The following PRELID3A variants were observed in gnomAD, a reference collection of about 807,000 sequenced individuals.
The protein encoded by PRELID3A is PRELI domain containing 3A, also known as PRELI domain containing protein 3A.
In PRELID3A, 27 loss-of-function variants were observed where a neutral mutation model predicts 23.0. That is an observed-to-expected ratio of 1.17 (90% CI 0.87 to 1.62). The LOEUF (loss-of-function observed/expected upper bound fraction) is 1.62, where lower values mean the gene tolerates loss of function less well. Ranked by LOEUF, PRELID3A falls within the 40% of genes most tolerant of loss-of-function variation. The pLI is 0.00. For missense variants in PRELID3A, 231 were observed against 231.4 expected (o/e 1.00, Z 0.01); for synonymous variants, 87 against 86.4 (o/e 1.01, Z -0.04).
chr18:12,427,321 A>G lies in PRELID3A; in HGVS notation c.463A>G (p.Lys155Glu). ...CAATACGATATCATCCAATGCAAAG[A>G]AGGTATGTATCTCAATCCTAGGAGT... ...MANTISSNAK[K>E]GWAAIEWIIE... Residue 155 changes from lysine (K) to glutamate (E), a missense_variant and splice_region_variant, in exon 5 of 7, where the codon AAG (lysine) becomes GAG (glutamate). Transcript: ENST00000440960. 6.2e-7 allele frequency: 1 copy of G among 1,601,300 alleles called. No individual in the cohort carries two copies. Among genetic ancestry groups the G allele is most frequent in the South Asian group, 1.1e-5 (1 of 90,650 alleles).
intron 3 of PRELID3A, among the ~76,000 whole-genome samples, chr18:12,426,208 C>T (rs1043703291): frequency 6.6e-6 from 1 of 151,324 alleles, no homozygotes; most frequent in Non-Finnish European, 1.5e-5. Flanking sequence ...CCCTGCAGTC[C>T]AGCCTGGTAA....
At chr18:12,416,692 G>T (rs111634945) in intron 1 of PRELID3A, among the ~76,000 whole-genome samples, 4 of 148,826 alleles carry the variant, frequency 2.7e-5, no homozygotes, top group African/African-American at 7.5e-5. Flanking sequence ...GTTGCCCAGG[G>T]TGGAGTGCAG....
At chr18:12,416,890 C>A (rs2029977697) in intron 1 of PRELID3A, among the ~76,000 whole-genome samples, 1 of 152,098 alleles carries the variant, frequency 6.6e-6, no homozygotes, top group Non-Finnish European at 1.5e-5. Flanking sequence ...CGCGATCCAC[C>A]AGCCTCGGCC....
chr18:12,414,276 G>A (rs1374215406), intron 1 of PRELID3A, among the ~76,000 whole-genome samples: 1 of 152,230 alleles, frequency 6.6e-6, no homozygotes, highest in East Asian at 1.9e-4. Flanking sequence ...ACTCACAGAT[G>A]TCCCTAAGAG....
intron 6 of PRELID3A, among the ~76,000 whole-genome samples, chr18:12,429,702 G>C (rs1472363285): frequency 1.3e-5 from 2 of 152,218 alleles, no homozygotes; most frequent in Non-Finnish European, 2.9e-5. Flanking sequence ...TCTCCAGCAA[G>C]CCACCCTCGG....
In PRELID3A at chr18:12,420,591, C is replaced by T. The variant is rs538347820; in HGVS notation, c.201+98C>T. The T allele has an allele frequency of 2.0e-3, 2,251 of 1,140,210 alleles. 37 individuals carry two copies. In the African/African-American group the frequency reaches 0.033, roughly 17 times the overall value. 70.6% of individuals were successfully genotyped at this position (1,140,210 alleles called of 1,614,324 possible). On this transcript the variant is annotated intron_variant, in intron 2 of 6. Coordinates refer to ENST00000440960, the MANE Select transcript of PRELID3A (RefSeq NM_001142405.2). ...CCTCCTCCCCTCATCAGTGCCTCTG[C>T]TGCTTTGGCTGCCATCGGGGTGGGA...
At chr18:12,425,349 A>G (rs1392144962) in intron 3 of PRELID3A, among the ~76,000 whole-genome samples, 2 of 151,050 alleles carry the variant, frequency 1.3e-5, no homozygotes, top group East Asian at 2.0e-4. Context: ...GGCTGGGCGC[A>G]GTGGCTCATG....
At chr18:12,420,152 C>G in intron 1 of PRELID3A, 173 bp from the exon 2 acceptor site, 1 of 1,429,386 alleles carries the variant, frequency 7.0e-7, no homozygotes, top group Non-Finnish European at 9.1e-7. Flanking sequence ...CGTGCAGGTG[C>G]TGAGCCGGCG....
In PRELID3A at chr18:12,427,021, A is replaced by T. The variant is rs761595564; in HGVS notation, c.292-20A>T. The T allele has an allele frequency of 1.0e-5, 16 of 1,585,018 alleles. No homozygotes were observed. The highest frequency in any genetic ancestry group is 1.1e-5 in the Non-Finnish European group (13 of 1,154,004). ...GAAATGCAAGAGAAATACAATCTAAACCTTTTTTTTCTTTTTAAGATCACA... is the reference window on the plus strand; with the variant it reads ...GAAATGCAAGAGAAATACAATCTAATCCTTTTTTTTCTTTTTAAGATCACA... On this transcript the variant is annotated intron_variant, in intron 3 of 6. Transcript: ENST00000440960.
In PRELID3A at chr18:12,407,990, C is replaced by G. The variant is rs1329505821; in HGVS notation, c.15C>G (p.Ser5Arg). 9 of 1,300,048 alleles carry G rather than the reference C, an allele frequency of 6.9e-6. No individual in the cohort carries two copies. Among genetic ancestry groups the G allele is most frequent in the Non-Finnish European group, 8.8e-6 (9 of 1,025,092 alleles). The allele number at this position is 1,300,048 out of a possible 1,614,324, so 80.5% of individuals were successfully genotyped here. Reference protein sequence around the residue: MKIWSSEHVFGHPWD... With the variant: MKIWRSEHVFGHPWD... ...CGCCGGCGGCAATGAAGATCTGGAG[C>G]TCGGAGCACGTGTTTGGGTGAGGCC... is the stretch of plus-strand genomic sequence containing the variant. The change falls in exon 1 of 7, where the codon AGC (serine) becomes AGG (arginine). Residue 5 changes from serine to arginine, a missense_variant. Coordinates refer to ENST00000440960, the MANE Select transcript of PRELID3A (RefSeq NM_001142405.2).
intron 3 of PRELID3A, chr18:12,422,170 T>C (rs999581980): frequency 2.7e-5 from 4 of 149,654 alleles, no homozygotes; most frequent in Admixed American, 6.7e-5. Flanking sequence ...CTCAAACTCC[T>C]GGTCTCAAGT....
intron 3 of PRELID3A, 118 bp from the exon 4 acceptor site, chr18:12,426,923 A>G (rs1598865104): frequency 1.4e-6 from 1 of 703,832 alleles, no homozygotes; most frequent in Non-Finnish European, 2.5e-6. Flanking sequence ...TCCTATGCCT[A>G]AAAGTTTCTT....
rs1227066986 is a variant in PRELID3A, at chr18:12,408,000, G to A, written c.25G>A (p.Val9Met). 10 of 1,289,782 alleles carry A rather than the reference G, an allele frequency of 7.8e-6. No individual in the cohort carries two copies. Among genetic ancestry groups the A allele is most frequent in the South Asian group, 2.6e-5 (1 of 38,046 alleles). 79.9% of individuals were successfully genotyped at this position (1,289,782 alleles called of 1,614,324 possible). The change falls in exon 1 of 7, where the codon GTG becomes ATG. Residue 9 changes from valine to methionine, a missense_variant. Val to Met is a conservative substitution (Grantham distance 21). Coordinates refer to ENST00000440960, the MANE Select transcript of PRELID3A (RefSeq NM_001142405.2). MKIWSSEH[V>M]FGHPWDTVIQ... ...AATGAAGATCTGGAGCTCGGAGCAC[G>A]TGTTTGGGTGAGGCCGGGCTGAGGG... is the stretch of plus-strand genomic sequence containing the variant.
rs1652670 is a variant in PRELID3A, at chr18:12,431,211, A to G, written c.*95A>G. 0.73 allele frequency: 111,051 copies of G among 152,474 alleles called. 41,020 individuals carry two copies. Among genetic ancestry groups the G allele is most frequent in the East Asian group, 0.99 (5,107 of 5,174 alleles). The allele number at this position is 152,474 out of a possible 1,614,324, so 9.4% of individuals were successfully genotyped here. ...GAGGACGAGCAAGGACGGGACGGAA[A>G]AGCACGTCTGGCTGCGAGGGCACAC... is the stretch of plus-strand genomic sequence containing the variant. On this transcript the variant is annotated 3_prime_UTR_variant, in exon 7 of 7. Transcript: ENST00000440960.
chr18:12,411,786 G>A (rs1909920616), intron 1 of PRELID3A, among the ~76,000 whole-genome samples: 2 of 152,124 alleles, frequency 1.3e-5, no homozygotes, highest in Admixed American at 6.5e-5. Context: ...GTTCCACTGT[G>A]TCTCCCTCCC....
Position 12,415,122 on chromosome 18 carries a change from A to C in PRELID3A, c.33-5203A>C, listed in dbSNP as rs145815743. ...TTTCGTATTTTTTGTTGACATAGGG[A>C]TCTTGCTCTATTGCGCAGGCTGGTC... On this transcript the variant is annotated intron_variant, in intron 1 of 6. Coordinates refer to ENST00000440960, the MANE Select transcript of PRELID3A (RefSeq NM_001142405.2). Among the ~76,000 whole-genome samples, 46 of 151,700 alleles carry C rather than the reference A, an allele frequency of 3.0e-4. No homozygotes were observed. The East Asian group carries it at 5.4e-3, about 18-fold the overall frequency.
intron 3 of PRELID3A, among the ~76,000 whole-genome samples, chr18:12,425,572 C>T (rs868738843): frequency 4.2e-4 from 64 of 150,700 alleles, no homozygotes; most frequent in African/African-American, 1.4e-3. Context: ...GCGGAGCTTG[C>T]AGTGAGCCGA....
At chr18:12,410,587 C>T (rs1055288248) in intron 1 of PRELID3A, 2 of 152,042 alleles carry the variant, frequency 1.3e-5, no homozygotes, top group Admixed American at 1.3e-4. Context: ...CCATTGAAAC[C>T]CCTGATTTTT....
intron 1 of PRELID3A, among the ~76,000 whole-genome samples, chr18:12,411,101 C>G (rs1909892511): frequency 6.6e-6 from 1 of 152,106 alleles, no homozygotes; most frequent in Admixed American, 6.6e-5. Flanking sequence ...TGTAAACACT[C>G]AGACAAAAAC....
Sources: gnomAD v4.1 joint callset for allele counts (sites outside exome capture counted in the v4.1 genomes callset) on GRCh38, gnomAD v4.1.1 for gene constraint, MANE v1.5 for transcripts, NCBI Gene and HGNC (gene_info 2026-07-23, HGNC 2026-07-21) for gene names.